Variants in PAH observed in about 807,000 individuals in gnomAD.
PAH encodes the protein phenylalanine-4-hydroxylase.
Under a neutral mutation model 62.0 loss-of-function variants are expected in PAH, and 64 were observed. The observed-to-expected ratio is 1.03, with a 90% CI of 0.84 to 1.27. PAH has a LOEUF of 1.27. Ranked by LOEUF, PAH falls within the 50% of genes most tolerant of loss-of-function variation. The probability of loss-of-function intolerance (pLI) is 0.00; values close to 1 mark genes in which losing one functional copy is unlikely to be tolerated. For synonymous variants in PAH, 195 were observed against 196.2 expected (o/e 0.99, Z 0.05); for missense variants, 579 against 542.8 (o/e 1.07, Z -0.66).
chr12:102,907,913 C>T (rs912518486), intron 2 of PAH, among the ~76,000 whole-genome samples: 3 of 152,122 alleles, frequency 2.0e-5, no homozygotes, highest in African/African-American at 7.2e-5. Flanking sequence ...CCACCATGCC[C>T]AGCCTTAACT....
At chr12:102,915,907 A>G (rs1326920221) in intron 1 of PAH, among the ~76,000 whole-genome samples, 1 of 152,130 alleles carries the variant, frequency 6.6e-6, no homozygotes, top group African/African-American at 2.4e-5. Context: ...TTATTAATAT[A>G]ATTTGTGGAT....
intron 1 of PAH, among the ~76,000 whole-genome samples, chr12:102,933,710 G>A (rs984787722): frequency 3.3e-5 from 5 of 152,150 alleles, no homozygotes; most frequent in African/African-American, 9.6e-5. Context: ...TATCAAGCAC[G>A]TTTTCATATG....
At chr12:102,934,968 T>G (rs2136754167) in intron 1 of PAH, among the ~76,000 whole-genome samples, 1 of 152,234 alleles carries the variant, frequency 6.6e-6, no homozygotes, top group East Asian at 1.9e-4. Context: ...ATCCTTGTTA[T>G]TTTCCAGACC....
upstream of PAH, among the ~76,000 whole-genome samples, chr12:102,920,966 A>G (rs1200675254): frequency 6.6e-6 from 1 of 152,152 alleles, no homozygotes; most frequent in Admixed American, 6.5e-5. Context: ...CACCACCCCA[A>G]ACAATACTGT....
rs1015377181 is a variant in PAH, at chr12:102,854,835, A to C, written c.706+301T>G. The C allele has an allele frequency of 2.0e-5, 9 of 443,520 alleles. No individual in the cohort carries two copies. The highest frequency in any genetic ancestry group is 3.8e-5 in the Non-Finnish European group (9 of 237,706). 27.5% of individuals were successfully genotyped at this position (443,520 alleles called of 1,614,324 possible). A position where few individuals can be genotyped will look rare whatever the true frequency, so the allele number is the denominator to read the frequency against. ...CAAACAAAACAAAACAAAACAAAAA[A>C]AAACCTCAGTGAAGCACCTTGGGCT... On this transcript the variant is annotated intron_variant, in intron 6 of 12. Transcript: ENST00000553106.
chr12:102,903,978 G>A (rs1299195816), intron 2 of PAH, among the ~76,000 whole-genome samples: 1 of 152,136 alleles, frequency 6.6e-6, no homozygotes, highest in African/African-American at 2.4e-5. Context: ...ATGGACATGA[G>A]CTAGTAGAGG....
intron 1 of PAH, among the ~76,000 whole-genome samples, chr12:102,947,406 G>T (rs1055881148): frequency 1.3e-5 from 2 of 152,170 alleles, no homozygotes; most frequent in Non-Finnish European, 2.9e-5. Flanking sequence ...TACATCCATG[G>T]AATATTCCAG....
chr12:102,956,510 C>T (rs1194146889), intron 1 of PAH, among the ~76,000 whole-genome samples: 2 of 151,978 alleles, frequency 1.3e-5, no homozygotes, highest in African/African-American at 2.4e-5. Context: ...ACCGGGCCGC[C>T]GGGCACACGC....
At chr12:102,951,011 A>C (rs79561081), upstream of PAH, 2 of 150,390 alleles carry the variant, frequency 1.3e-5, no homozygotes, top group East Asian at 3.9e-4. Flanking sequence ...GAATGGGGGA[A>C]GGGATTTGGG....
At chr12:102,915,789 A>G (rs1054924612) in intron 1 of PAH, among the ~76,000 whole-genome samples, 3 of 151,706 alleles carry the variant, frequency 2.0e-5, no homozygotes, top group African/African-American at 4.9e-5. Context: ...AACCATAGAA[A>G]ATTTTGGAAC....
At chr12:102,856,651 C>T (rs1159769460) in intron 5 of PAH, among the ~76,000 whole-genome samples, 1 of 152,226 alleles carries the variant, frequency 6.6e-6, no homozygotes, top group East Asian at 1.9e-4. Context: ...GAGGAATGAT[C>T]AGGCAGCAAC....
upstream of PAH, chr12:102,958,393 CGCAGCAGCAGCAGCAGCAGCAGCA>C (rs3832799): frequency 4.9e-4 from 739 of 1,507,148 alleles, no homozygotes; most frequent in Admixed American, 7.6e-4. Context: ...GCGCAGAGCG[CGCAGCAGCAGCAGCAGCAGCAGCA>C]GCAGCAGCAG....
intron 3 of PAH, among the ~76,000 whole-genome samples, chr12:102,890,379 C>T (rs1877227360): frequency 6.6e-6 from 1 of 152,206 alleles, no homozygotes; most frequent in Non-Finnish European, 1.5e-5. Context: ...GAAAGGGCAA[C>T]TTTGCAAAGG....
Position 102,854,685 on chromosome 12 carries a change from T to C in PAH, c.706+451A>G, listed in dbSNP as rs2252031. ...GCAGGTTTACTCAGCTGGAGAGGAT[T>C]GAAGGCAGGATTCATACCAGATGCA... On this transcript the variant is annotated intron_variant, in intron 6 of 12. Transcript: ENST00000553106. 211,328 of 239,548 alleles carry C rather than the reference T, an allele frequency of 0.88. 93,567 individuals are homozygous for C. The highest frequency in any genetic ancestry group is 0.96 in the African/African-American group (42,012 of 43,954). 14.8% of individuals were successfully genotyped at this position (239,548 alleles called of 1,614,324 possible). A position where few individuals can be genotyped will look rare whatever the true frequency, so the allele number is the denominator to read the frequency against.
intron 4 of PAH, among the ~76,000 whole-genome samples, chr12:102,871,375 C>T (rs544396395): frequency 2.0e-5 from 3 of 152,286 alleles, no homozygotes; most frequent in African/African-American, 2.4e-5. Context: ...CACATCAAGG[C>T]CTTCACACGT....
At chr12:102,939,192 G>A (rs1441361469) in intron 1 of PAH, among the ~76,000 whole-genome samples, 2 of 151,962 alleles carry the variant, frequency 1.3e-5, no homozygotes, top group East Asian at 1.9e-4. Context: ...TGACAGCCCC[G>A]TGTCTCTCTC....
intron 4 of PAH, among the ~76,000 whole-genome samples, chr12:102,876,172 G>A (rs1167596139): frequency 1.3e-5 from 2 of 152,070 alleles, no homozygotes; most frequent in Admixed American, 1.3e-4. Context: ...TGAAATTATG[G>A]TTGCTTTTCA....
Position 102,896,747 on chromosome 12 carries a change from G to A in PAH, c.169-1829C>T, listed in dbSNP as rs1019272511. On this transcript the variant is annotated intron_variant, in intron 2 of 12. Coordinates refer to ENST00000553106, the MANE Select transcript of PAH (RefSeq NM_000277.3). The stretch of plus-strand genomic sequence containing the variant: ...CCTCAGATTTGACTATTACTCTGTT[G>A]TCTATGTGGCTAAATAAAGAGAATT... Among the ~76,000 whole-genome samples, 2 of 152,158 alleles carry A rather than the reference G, an allele frequency of 1.3e-5. 1 individual carries two copies. Among genetic ancestry groups the A allele is most frequent in the Admixed American group, 1.3e-4 (2 of 15,276 alleles).
chr12:102,943,461 A>G (rs1347310985), intron 1 of PAH, among the ~76,000 whole-genome samples: 1 of 152,188 alleles, frequency 6.6e-6, no homozygotes. Flanking sequence ...ATGTTCATAC[A>G]CTGCTGGTGG....
Sources: allele counts gnomAD v4.1 joint callset (sites outside exome capture counted in the v4.1 genomes callset), GRCh38; gene constraint gnomAD v4.1.1; transcripts MANE v1.5; gene names NCBI Gene and HGNC (gene_info 2026-07-23, HGNC 2026-07-21).